DGKB: variants seen among roughly 807,000 people sequenced by gnomAD.
The protein encoded by DGKB is 90 kDa diacylglycerol kinase.
Under a neutral mutation model 114.3 loss-of-function variants are expected in DGKB, and 67 were observed. That is an observed-to-expected ratio of 0.59 (90% CI 0.48 to 0.72). The LOEUF (loss-of-function observed/expected upper bound fraction) is 0.72, where lower values mean the gene tolerates loss of function less well. Among genes scored for constraint, DGKB ranks in the 30% least tolerant of loss-of-function variants. The pLI is 0.00. For missense variants in DGKB, 907 were observed against 975.2 expected, an observed-to-expected ratio of 0.93 and a Z score of 0.93; for synonymous variants, 398 against 323.1, an observed-to-expected ratio of 1.23 and a Z score of -2.49.
At chr7:14,482,669 C>A (rs967647017) in intron 20 of DGKB, among the ~76,000 whole-genome samples, 1 of 151,996 alleles carries the variant, frequency 6.6e-6, no homozygotes, top group African/African-American at 2.4e-5. Flanking sequence ...TTAGATTGAG[C>A]TTTTAGGTAA....
chr7:14,854,294 AG>A lies in DGKB; in HGVS notation c.-187-12845del, dbSNP rs567910184. On this transcript the variant is annotated intron_variant, in intron 1 of 25. Coordinates refer to ENST00000402815, the MANE Select transcript of DGKB (RefSeq NM_001350709.2). ...ATACCTGATTCTCATGGTGAGCAAA[AG>A]GATAATATAAATGATCTCAGGAGGA... Among the ~76,000 whole-genome samples, 278 of 152,292 alleles carry A rather than the reference AG, an allele frequency of 1.8e-3. 1 individual carries two copies. Among genetic ancestry groups the A allele is most frequent in the African/African-American group, 6.3e-3 (261 of 41,554 alleles).
intron 9 of DGKB, among the ~76,000 whole-genome samples, chr7:14,686,459 T>C (rs1821700293): frequency 6.6e-6 from 1 of 152,200 alleles, no homozygotes; most frequent in Non-Finnish European, 1.5e-5. Flanking sequence ...AAACATTATT[T>C]GCCATAACTT....
intron 23 of DGKB, among the ~76,000 whole-genome samples, chr7:14,275,813 G>T (rs1283630860): frequency 6.6e-6 from 1 of 152,144 alleles, no homozygotes; most frequent in Non-Finnish European, 1.5e-5. Context: ...TAATTGCCAT[G>T]ATATGATGAT....
intron 1 of DGKB, among the ~76,000 whole-genome samples, chr7:14,931,840 G>A (rs552733954): frequency 6.1e-4 from 93 of 152,178 alleles, no homozygotes; most frequent in African/African-American, 2.0e-3. Flanking sequence ...CCCAGGGAGC[G>A]GGGTGGGTCG....
intron 5 of DGKB, among the ~76,000 whole-genome samples, chr7:14,729,187 A>G (rs1293589827): frequency 7.6e-6 from 1 of 131,842 alleles, no homozygotes; most frequent in Non-Finnish European, 1.5e-5. Context: ...CAGTGGCGCC[A>G]TCTCGGCTCA....
intron 20 of DGKB, among the ~76,000 whole-genome samples, chr7:14,563,643 G>GT (rs66549760): frequency 0.016 from 2,044 of 125,732 alleles, 22 homozygotes; most frequent in African/African-American, 0.03. Flanking sequence ...ATACAACTCT[G>GT]TTTTTTTTTT....
chr7:14,385,637 G>T (rs1305349140), intron 21 of DGKB, among the ~76,000 whole-genome samples: 1 of 152,116 alleles, frequency 6.6e-6, no homozygotes, highest in Non-Finnish European at 1.5e-5. Context: ...ATTGGCAGTC[G>T]CAGATCTCTT....
chr7:14,472,140 G>A (rs1781509593), intron 21 of DGKB, among the ~76,000 whole-genome samples: 1 of 152,162 alleles, frequency 6.6e-6, no homozygotes, highest in African/African-American at 2.4e-5. Context: ...ATCATGCTAT[G>A]ACTAGATTTT....
At chr7:14,916,558 A>G (rs1427170717) in intron 1 of DGKB, among the ~76,000 whole-genome samples, 2 of 152,140 alleles carry the variant, frequency 1.3e-5, no homozygotes, top group Non-Finnish European at 2.9e-5. Flanking sequence ...TAAAATAGGC[A>G]TTACATAAGG....
intron 21 of DGKB, among the ~76,000 whole-genome samples, chr7:14,460,030 T>C (rs1186137506): frequency 6.6e-6 from 1 of 152,068 alleles, no homozygotes; most frequent in Non-Finnish European, 1.5e-5. Context: ...ATAAAATACT[T>C]TACAGGCAAG....
At chr7:14,889,099 G>A (rs1363824952) in intron 1 of DGKB, among the ~76,000 whole-genome samples, 1 of 151,640 alleles carries the variant, frequency 6.6e-6, no homozygotes, top group Non-Finnish European at 1.5e-5. Context: ...TTCCAGCATT[G>A]GCAAGAATGA....
At position 14,656,929 on chromosome 7, in the gene DGKB, T is replaced by C. The variant is rs1304436077; in HGVS notation, c.1134+16000A>G. Reference sequence around the variant, plus strand: ...AGACCCTGTTTATAATTATACACGTTCTACATAATATAAACTAGTTCAATG... The same window carrying C: ...AGACCCTGTTTATAATTATACACGTCCTACATAATATAAACTAGTTCAATG... On this transcript the variant is annotated intron_variant, in intron 13 of 25. Transcript: ENST00000402815. Among the ~76,000 whole-genome samples, 20 of 151,818 alleles carry C rather than the reference T, an allele frequency of 1.3e-4. No individual in the cohort carries two copies. In the East Asian group the frequency reaches 3.7e-3, roughly 28 times the overall value.
At chr7:14,956,215 T>C (rs1403475964) in intron 1 of DGKB, among the ~76,000 whole-genome samples, 3 of 151,958 alleles carry the variant, frequency 2.0e-5, no homozygotes, top group Admixed American at 6.6e-5. Flanking sequence ...CATTTATGCA[T>C]AAAGGAGATT....
chr7:14,433,866 T>C (rs972415547), intron 21 of DGKB, among the ~76,000 whole-genome samples: 3 of 152,206 alleles, frequency 2.0e-5, no homozygotes, highest in Non-Finnish European at 2.9e-5. Context: ...TGAATTTATG[T>C]CTTATATACA....
At chr7:14,820,104 C>T (rs375799305) in intron 2 of DGKB, among the ~76,000 whole-genome samples, 8 of 152,142 alleles carry the variant, frequency 5.3e-5, no homozygotes, top group African/African-American at 1.9e-4. Flanking sequence ...ATGAGACTAG[C>T]TCATTGTAGT....
At chr7:14,427,193 CAT>C in intron 21 of DGKB, among the ~76,000 whole-genome samples, 1 of 152,202 alleles carries the variant, frequency 6.6e-6, no homozygotes, top group Non-Finnish European at 1.5e-5. Context: ...CACCATGGCA[CAT>C]GTTTACGTAT....
intron 5 of DGKB, among the ~76,000 whole-genome samples, chr7:14,730,490 C>T (rs568554220): frequency 2.6e-5 from 4 of 152,020 alleles, no homozygotes; most frequent in East Asian, 1.9e-4. Context: ...GGTTTTCATG[C>T]GATAAGGGCA....
intron 25 of DGKB, 118 bp from the exon 26 acceptor site, chr7:14,149,356 C>G: frequency 1.5e-6 from 1 of 651,034 alleles, no homozygotes; most frequent in South Asian, 2.3e-5. Flanking sequence ...ACTGAAACAC[C>G]GCAAGTGTAA....
chr7:14,774,304 C>G (rs1837842966), intron 2 of DGKB, among the ~76,000 whole-genome samples: 1 of 152,138 alleles, frequency 6.6e-6, no homozygotes, highest in African/African-American at 2.4e-5. Flanking sequence ...TTGATTGTTA[C>G]CTTGCAAGAA....
Sources: gnomAD v4.1 joint callset for allele counts (sites outside exome capture counted in the v4.1 genomes callset) on GRCh38, gnomAD v4.1.1 for gene constraint, MANE v1.5 for transcripts, NCBI Gene and HGNC (gene_info 2026-07-23, HGNC 2026-07-21) for gene names.